The following TVP23C variants were observed in gnomAD, a reference collection of about 807,000 sequenced individuals.
TVP23C encodes the protein trans-golgi network vesicle protein 23 homolog C, also known as Golgi apparatus membrane protein TVP23 homolog C.
TVP23C carries 19 observed loss-of-function variants against 28.7 expected under a neutral mutation model. That is an observed-to-expected ratio of 0.66 (90% CI 0.46 to 0.97). The LOEUF is 0.97. TVP23C is among the 50% of genes least tolerant of loss of function. The pLI is 0.00. For missense variants in TVP23C, 186 were observed against 241.3 expected, an observed-to-expected ratio of 0.77 and a Z score of 1.52; for synonymous variants, 68 against 81.7, an observed-to-expected ratio of 0.83 and a Z score of 0.90.
chr17:15,512,985 A>C lies in TVP23C; in HGVS notation c.463-9753T>G, dbSNP rs547879501. On this transcript the variant is annotated intron_variant, in intron 5 of 5. Transcript: ENST00000225576. ...CTGGGCTTTAATTTCTTCTTCTAGA[A>C]AGCTAGGATGCTAGATTTCATTCTC... 3.3e-5 allele frequency among the ~76,000 whole-genome samples: 5 copies of C among 152,290 alleles called. No homozygotes were observed. The South Asian group carries it at 1.0e-3, about 32-fold the overall frequency.
chr17:15,558,663 T>C (rs1392872665), intron 1 of TVP23C, among the ~76,000 whole-genome samples: 1 of 148,096 alleles, frequency 6.8e-6, no homozygotes, highest in African/African-American at 2.4e-5. Flanking sequence ...GGCATTAAGA[T>C]GGGGAAGGGA....
At chr17:15,511,759 T>C (rs1982015608) in intron 5 of TVP23C, among the ~76,000 whole-genome samples, 1 of 152,210 alleles carries the variant, frequency 6.6e-6, no homozygotes, top group Non-Finnish European at 1.5e-5. Context: ...TCCTTTCAAT[T>C]GTGTTTCGTG....
chr17:15,553,298 A>G (rs1009906845), intron 3 of TVP23C, among the ~76,000 whole-genome samples: 8 of 151,534 alleles, frequency 5.3e-5, no homozygotes, highest in African/African-American at 1.9e-4. Context: ...TTGTGGACAA[A>G]CTACACTGGG....
intron 1 of TVP23C, among the ~76,000 whole-genome samples, chr17:15,556,437 C>G (rs1984136220): frequency 6.7e-6 from 1 of 149,426 alleles, no homozygotes; most frequent in South Asian, 2.1e-4. Context: ...CCTCAACTCA[C>G]TGCAACCTCT....
chr17:15,521,322 C>A (rs1597512260), intron 5 of TVP23C, among the ~76,000 whole-genome samples: 2 of 152,096 alleles, frequency 1.3e-5, no homozygotes, highest in Non-Finnish European at 2.9e-5. Flanking sequence ...GCTAACATGG[C>A]AAAACCCCAT....
intron 3 of TVP23C, among the ~76,000 whole-genome samples, chr17:15,548,584 C>T (rs557623976): frequency 6.9e-4 from 105 of 152,278 alleles, no homozygotes; most frequent in Non-Finnish European, 1.4e-3. Context: ...ACAATAGAAA[C>T]CACAGACATT....
At chr17:15,562,681 C>T (rs532528933) in intron 1 of TVP23C, 22 of 152,362 alleles carry the variant, frequency 1.4e-4, no homozygotes, top group Middle Eastern at 3.4e-3. Context: ...CATCACCCTG[C>T]CTTTGCAATT....
intron 5 of TVP23C, among the ~76,000 whole-genome samples, chr17:15,541,233 T>C: frequency 6.6e-6 from 1 of 152,200 alleles, no homozygotes; most frequent in Middle Eastern, 3.2e-3. Context: ...AAATTTCTAA[T>C]TAATCTTAAT....
intron 5 of TVP23C, among the ~76,000 whole-genome samples, chr17:15,526,835 C>T (rs1240057996): frequency 6.6e-6 from 1 of 151,896 alleles, no homozygotes; most frequent in African/African-American, 2.4e-5. Flanking sequence ...TGGATTTCAA[C>T]AATTATGTGA....
rs977395456 is a variant in TVP23C at position 15,538,264 on chromosome 17, A to G, written c.*2148T>C. On this transcript the variant is annotated 3_prime_UTR_variant, in exon 6 of 6. Coordinates refer to ENST00000518321, the MANE Select transcript of TVP23C (RefSeq NM_001135036.2). ...ATTCTATATTTCTAAGCAGAGCATTACCTTACATACAATGGCCCAATCACA... is the reference window on the plus strand; with the variant it reads ...ATTCTATATTTCTAAGCAGAGCATTGCCTTACATACAATGGCCCAATCACA... The G allele has an allele frequency of 3.3e-4, 511 of 1,547,930 alleles. 1 individual carries two copies. Among genetic ancestry groups the G allele is most frequent in the Non-Finnish European group, 4.2e-4 (487 of 1,149,258 alleles).
chr17:15,539,866 G>A lies in TVP23C; in HGVS notation c.*546C>T, dbSNP rs1469633168. On this transcript the variant is annotated 3_prime_UTR_variant, in exon 6 of 6. Transcript: ENST00000518321. The stretch of plus-strand genomic sequence containing the variant: ...CCCAGCACTTTGGGAGGCTGAGGTG[G>A]GCAGATCACAAGGTCATGAGATGGA... The A allele has an allele frequency of 1.2e-6, 1 of 866,068 alleles. No homozygotes were observed. Among genetic ancestry groups the A allele is most frequent in the African/African-American group, 1.8e-5 (1 of 54,762 alleles). The allele number at this position is 866,068 out of a possible 1,614,324, so 53.6% of individuals were successfully genotyped here.
At chr17:15,541,718 A>G (rs904643667) in intron 5 of TVP23C, among the ~76,000 whole-genome samples, 3 of 152,156 alleles carry the variant, frequency 2.0e-5, no homozygotes, top group African/African-American at 4.8e-5. Context: ...TCTGTTCTAA[A>G]CTTATGTTTC....
chr17:15,545,296 C>T (rs1051698327), intron 5 of TVP23C, among the ~76,000 whole-genome samples: 1 of 152,138 alleles, frequency 6.6e-6, no homozygotes, highest in African/African-American at 2.4e-5. Context: ...GAAGCCCAAA[C>T]CAAGGCACAT....
rs756338828 is a variant in TVP23C at position 15,503,211 on chromosome 17, G to C, written c.484C>G (p.Gln162Glu). 9.1e-6 allele frequency: 14 copies of C among 1,542,154 alleles called. No homozygotes were observed. In the African/African-American group the frequency reaches 1.8e-4, roughly 20 times the overall value. ...GAGCCCAAGACTTTCAGACCAGTCT[G>C]GGCAATGTGGCGAGACCGTCTCTAC... The change falls in exon 6 of 6, where the codon CAG becomes GAG. Residue 162 changes from glutamine to glutamate, a missense_variant. Coordinates refer to the TVP23C transcript ENST00000225576.
intron 5 of TVP23C, among the ~76,000 whole-genome samples, chr17:15,512,057 G>T (rs1982026821): frequency 6.6e-6 from 1 of 152,136 alleles, no homozygotes; most frequent in South Asian, 2.1e-4. Context: ...GATCTGAGTG[G>T]GGCAGCATGA....
chr17:15,521,529 C>G (rs1982478531), intron 5 of TVP23C, among the ~76,000 whole-genome samples: 1 of 152,008 alleles, frequency 6.6e-6, no homozygotes, highest in South Asian at 2.1e-4. Flanking sequence ...TTATTATAAT[C>G]TCTACTAATT....
rs140698404 is a variant in TVP23C at position 15,517,937 on chromosome 17, C to A, written c.463-14705G>T. On this transcript the variant is annotated intron_variant, in intron 5 of 5. Coordinates refer to the TVP23C transcript ENST00000225576. Reference sequence around the variant, plus strand: ...ATCCCAGTATTTTGGGAGGCCAAGGCGGGAGGATCATGAGGTCAGGAGATC... The same window carrying A: ...ATCCCAGTATTTTGGGAGGCCAAGGAGGGAGGATCATGAGGTCAGGAGATC... 7.2e-3 allele frequency among the ~76,000 whole-genome samples: 1,095 copies of A among 152,194 alleles called. 5 individuals carry two copies. Among genetic ancestry groups the A allele is most frequent in the Middle Eastern group, 0.014 (4 of 294 alleles).
chr17:15,502,883 A>T (rs12150518), exon 6 of TVP23C: 101,862 of 1,590,616 alleles, frequency 0.064, 3,698 homozygotes, highest in Non-Finnish European at 0.073. Flanking sequence ...TCCGGATGCC[A>T]GATGAAATTT....
At chr17:15,506,020 C>T (rs1386291512) in intron 5 of TVP23C, among the ~76,000 whole-genome samples, 1 of 152,250 alleles carries the variant, frequency 6.6e-6, no homozygotes, top group African/African-American at 2.4e-5. Flanking sequence ...CGAGCGCCAC[C>T]CCCTGCTCCA....
Sources: allele counts gnomAD v4.1 joint callset (sites outside exome capture counted in the v4.1 genomes callset), GRCh38; gene constraint gnomAD v4.1.1; transcripts MANE v1.5; gene names NCBI Gene and HGNC (gene_info 2026-07-23, HGNC 2026-07-21).